The following DSTYK variants were observed in gnomAD, a reference collection of about 807,000 sequenced individuals.
DSTYK encodes the protein dual serine/threonine and tyrosine protein kinase.
In DSTYK, 34 loss-of-function variants were observed where a neutral mutation model predicts 98.7. The ratio of observed to expected loss-of-function variants is 0.34; its 90% CI spans 0.26 to 0.46. The LOEUF (loss-of-function observed/expected upper bound fraction) is 0.46. DSTYK is among the 20% of genes least tolerant of loss of function. The pLI is 1.00. For missense variants in DSTYK, 962 were observed against 1,181.7 expected (o/e 0.81, Z 2.73); for synonymous variants, 462 against 457.3 (o/e 1.01, Z -0.13).
rs192530767 is a variant in DSTYK at position 205,175,715 on chromosome 1, G to A, written c.655-5883C>T. Among the ~76,000 whole-genome samples, 34 of 152,264 alleles carry A rather than the reference G, an allele frequency of 2.2e-4. 1 individual carries two copies. The highest frequency in any genetic ancestry group is 7.7e-4 in the African/African-American group (32 of 41,560). ...ATAAAAATTAATATAAAGAGGATGA[G>A]CCAGAGCTGTTATGGGCCTTAGTAT... On this transcript the variant is annotated intron_variant, in intron 2 of 12. Transcript: ENST00000367162.
At chr1:205,188,189 G>A (rs546397064) in intron 1 of DSTYK, among the ~76,000 whole-genome samples, 1 of 152,266 alleles carries the variant, frequency 6.6e-6, no homozygotes, top group African/African-American at 2.4e-5. Context: ...TACACTAGTT[G>A]GGATGTGAGC....
In DSTYK at chr1:205,163,776, GGCTCT is replaced by G; in HGVS notation, c.1499_1503del (p.Gln500ProfsTer14). The stretch of plus-strand genomic sequence containing the variant: ...ACTGAGACATCCTGAGACTTCTCCA[GGCTCT>G]GCAGACATCGTTCCAGGGTTCCGAC... On this transcript the variant is annotated frameshift_variant, in exon 4 of 13. Coordinates refer to ENST00000367162, the MANE Select transcript of DSTYK (RefSeq NM_015375.3). LOFTEE classifies it high-confidence loss of function. The G allele has an allele frequency of 6.2e-7, 1 of 1,614,084 alleles. No individual in the cohort carries two copies. Among genetic ancestry groups the G allele is most frequent in the Non-Finnish European group, 8.5e-7 (1 of 1,180,016 alleles).
Position 205,143,969 on chromosome 1 carries a change from C to G in DSTYK, c.*3589G>C, listed in dbSNP as rs1657146019. On this transcript the variant is annotated 3_prime_UTR_variant, in exon 13 of 13. Transcript: ENST00000367162. ...TGACTCTCTTTGGTCTGGGAACAACCAGCACAGTCCTCCTGAAGCGCTTGC... is the reference window on the plus strand; with the variant it reads ...TGACTCTCTTTGGTCTGGGAACAACGAGCACAGTCCTCCTGAAGCGCTTGC... The G allele has an allele frequency of 6.6e-6, 1 of 152,632 alleles. No individual in the cohort carries two copies. The highest frequency in any genetic ancestry group is 2.1e-4 in the South Asian group (1 of 4,830). The allele number at this position is 152,632 out of a possible 1,614,324, so 9.5% of individuals were successfully genotyped here. A position where few individuals can be genotyped will look rare whatever the true frequency, so the allele number is the denominator to read the frequency against.
chr1:205,151,990 C>T (rs1228393487), intron 10 of DSTYK, among the ~76,000 whole-genome samples: 1 of 151,920 alleles, frequency 6.6e-6, no homozygotes, highest in Non-Finnish European at 1.5e-5. Flanking sequence ...AAGTATAGTA[C>T]AGTAAATATA....
intron 12 of DSTYK, 130 bp downstream of exon 12, chr1:205,148,075 A>C (rs1456310080): frequency 8.2e-6 from 9 of 1,097,430 alleles, no homozygotes; most frequent in African/African-American, 1.6e-5. Context: ...TGGATTCATG[A>C]CAGTTTAAAC....
intron 1 of DSTYK, among the ~76,000 whole-genome samples, chr1:205,193,308 T>TA (rs1271011339): frequency 1.3e-5 from 2 of 152,216 alleles, no homozygotes; most frequent in Non-Finnish European, 2.9e-5. Context: ...TTAAGATACA[T>TA]ACTTTATTTA....
intron 10 of DSTYK, among the ~76,000 whole-genome samples, chr1:205,152,327 G>A (rs1344480376): frequency 3.3e-5 from 5 of 152,106 alleles, no homozygotes; most frequent in Non-Finnish European, 7.4e-5. Flanking sequence ...ACAGGCATGC[G>A]CCACCACACC....
In DSTYK at chr1:205,169,743, T is replaced by A. The variant is rs146503031; in HGVS notation, c.744A>T (p.Ile248=). The part of the protein sequence containing the change: ...GDLVNDFLPV[I]TYALHKDELS... ...GTTCATCTTTGTGGAGTGCATAGGT[T>A]ATCACAGGCAAGAAATCATTCACCA... The change falls in exon 3 of 13, where the codon ATA becomes ATT. Residue 248 remains isoleucine, a synonymous_variant. Coordinates refer to ENST00000367162, the MANE Select transcript of DSTYK (RefSeq NM_015375.3). The surrounding 1 kb of genome is among the most constrained non-coding windows in gnomAD (Gnocchi z 4.0). 15 of 1,614,232 alleles carry A rather than the reference T, an allele frequency of 9.3e-6. No homozygotes were observed. In the East Asian group the frequency reaches 3.3e-4, roughly 36 times the overall value.
At chr1:205,187,299 C>T (rs991680835) in intron 2 of DSTYK, 119 bp downstream of exon 2, 12 of 1,180,048 alleles carry the variant, frequency 1.0e-5, no homozygotes, top group African/African-American at 7.8e-5. Context: ...TCTGACTCCA[C>T]TAGCCACTGC....
chr1:205,210,372 T>C (rs1164234383), intron 1 of DSTYK, among the ~76,000 whole-genome samples: 1 of 152,168 alleles, frequency 6.6e-6, no homozygotes, highest in Non-Finnish European at 1.5e-5. Context: ...ACAGACTTCT[T>C]TGCTGTTTTG....
chr1:205,163,139 A>G (rs1657782151), intron 4 of DSTYK, 133 bp from the exon 5 acceptor site: 1 of 711,256 alleles, frequency 1.4e-6, no homozygotes, highest in Admixed American at 2.1e-5. Context: ...ATATATGCAG[A>G]GTCAACTTAA....
intron 1 of DSTYK, among the ~76,000 whole-genome samples, chr1:205,189,123 CAAAAAAAATAAAAA>C (rs1558620506): frequency 6.8e-6 from 1 of 146,520 alleles, no homozygotes. Context: ...ACGTTTTGTA[CAAAAAAAATAAAAA>C]ATAAAAATCT....
At chr1:205,211,132 C>G (rs1659360224) in intron 1 of DSTYK, 139 bp downstream of exon 1, 6 of 1,295,510 alleles carry the variant, frequency 4.6e-6, no homozygotes, top group Non-Finnish European at 5.1e-6. Context: ...CCGGCCCATG[C>G]CCGGGGACCC....
At chr1:205,190,461 TTA>T (rs1410752624) in intron 1 of DSTYK, among the ~76,000 whole-genome samples, 1 of 151,654 alleles carries the variant, frequency 6.6e-6, no homozygotes, top group Non-Finnish European at 1.5e-5. Flanking sequence ...CCTGATTCTA[TTA>T]AAAATACAAA....
chr1:205,210,382 G>C (rs1013334140), intron 1 of DSTYK, among the ~76,000 whole-genome samples: 3 of 152,008 alleles, frequency 2.0e-5, no homozygotes, highest in African/African-American at 7.3e-5. Context: ...TTGCTGTTTT[G>C]TCCCCAAGAT....
Position 205,154,962 on chromosome 1 carries a change from T to C in DSTYK, c.2352+2311A>G, listed in dbSNP as rs533458885. On this transcript the variant is annotated intron_variant, in intron 10 of 12. Coordinates refer to ENST00000367162, the MANE Select transcript of DSTYK (RefSeq NM_015375.3). Reference sequence around the variant, plus strand: ...GAGAGAGATGACTCAGGGTATCTGGTGGAAGAAATTTATTTATTTATTTAT... The same window carrying C: ...GAGAGAGATGACTCAGGGTATCTGGCGGAAGAAATTTATTTATTTATTTAT... 1.7e-4 allele frequency among the ~76,000 whole-genome samples: 23 copies of C among 137,698 alleles called. No individual in the cohort carries two copies. In the South Asian group the frequency reaches 4.3e-3, roughly 26 times the overall value. The allele number at this position is 137,698 out of a possible 152,430, so 90.3% of individuals were successfully genotyped here.
intron 1 of DSTYK, among the ~76,000 whole-genome samples, chr1:205,200,087 A>ACAAGTG (rs1658982275): frequency 6.6e-6 from 1 of 151,950 alleles, no homozygotes; most frequent in East Asian, 1.9e-4. Context: ...CCTTGGCTGG[A>ACAAGTG]GTGCAGTGGT....
chr1:205,187,368 G>A, intron 2 of DSTYK, 50 bp downstream of exon 2: 7 of 1,521,064 alleles, frequency 4.6e-6, no homozygotes, highest in Non-Finnish European at 6.2e-6. Context: ...AAAATAAAAG[G>A]AAAGCTGGTA....
At chr1:205,174,351 A>G (rs951880279) in intron 2 of DSTYK, among the ~76,000 whole-genome samples, 16 of 151,956 alleles carry the variant, frequency 1.1e-4, no homozygotes, top group Non-Finnish European at 2.4e-4. Flanking sequence ...TGTCTCTACT[A>G]AAAATACAAA....
Sources: allele counts gnomAD v4.1 joint callset (sites outside exome capture counted in the v4.1 genomes callset), GRCh38; gene constraint gnomAD v4.1.1; non-coding constraint Gnocchi (gnomAD v3.1); transcripts MANE v1.5; gene names NCBI Gene and HGNC (gene_info 2026-07-23, HGNC 2026-07-21).